The following TLR1 variants were observed in gnomAD, a reference collection of about 807,000 sequenced individuals.
TLR1 encodes toll like receptor 1, also known as toll-like receptor 1.
A neutral mutation model predicts 20.2 loss-of-function variants in TLR1; 19 were observed. The ratio of observed to expected loss-of-function variants is 0.94; its 90% CI spans 0.66 to 1.38. The LOEUF is 1.38. Ranked by LOEUF, TLR1 falls within the 40% of genes most tolerant of loss-of-function variation. The probability of loss-of-function intolerance (pLI) is 0.00; values close to 1 mark genes in which losing one functional copy is unlikely to be tolerated. For missense variants in TLR1, 921 were observed against 910.0 expected, an observed-to-expected ratio of 1.01 and a Z score of -0.16; for synonymous variants, 320 against 334.5, an observed-to-expected ratio of 0.96 and a Z score of 0.47.
At chr4:38,802,216 C>CA (rs1185286137) in intron 2 of TLR1, among the ~76,000 whole-genome samples, 2 of 151,712 alleles carry the variant, frequency 1.3e-5, no homozygotes, top group Admixed American at 6.6e-5. Flanking sequence ...CAAACAAAAA[C>CA]AAAAAAACAG....
downstream of TLR1, among the ~76,000 whole-genome samples, chr4:38,795,537 A>G (rs1174181646): frequency 6.6e-6 from 1 of 152,246 alleles, no homozygotes; most frequent in East Asian, 1.9e-4. Flanking sequence ...GCTCTTGTGC[A>G]TGTTAGTTCA....
chr4:38,798,666 A>C lies in TLR1; in HGVS notation c.166T>G (p.Tyr56Asp). The C allele has an allele frequency of 6.2e-7, 1 of 1,614,002 alleles. No homozygotes were observed. Among genetic ancestry groups the C allele is most frequent in the Non-Finnish European group, 8.5e-7 (1 of 1,179,924 alleles). Residue 56 changes from tyrosine (Y) to aspartate (D), a missense_variant, in exon 4 of 4, where the codon TAT becomes GAT. Coordinates refer to ENST00000308979, the MANE Select transcript of TLR1 (RefSeq NM_003263.4). ...TCAGAAGTCCAAAGCTCAGATATATAATTTTGCGATATATTTAAGATTGTT... is the reference window on the plus strand; with the variant it reads ...TCAGAAGTCCAAAGCTCAGATATATCATTTTGCGATATATTTAAGATTGTT... ...KTTILNISQN[Y>D]ISELWTSDIL... is the part of the protein sequence containing the mutation.
chr4:38,795,198 AG>A (rs151234182), downstream of TLR1, among the ~76,000 whole-genome samples: 4,952 of 152,294 alleles, frequency 0.033, 299 homozygotes, highest in African/African-American at 0.11. Flanking sequence ...TTGTGCTTCC[AG>A]GTTTGTGCAT....
rs774224678 is a variant in TLR1 at position 38,797,919 on chromosome 4, G to A, written c.913C>T (p.His305Tyr). ...SGTSLKALSI[H>Y]QVVSDVFGFP... ...CCGAACACATCGCTGACAACTTGGTGTATAGACAAGGCCTTCAAGGAAGTG... is the reference window on the plus strand; with the variant it reads ...CCGAACACATCGCTGACAACTTGGTATATAGACAAGGCCTTCAAGGAAGTG... Residue 305 changes from histidine to tyrosine, a missense_variant, in exon 4 of 4, where the codon CAC becomes TAC. His to Tyr is a moderately conservative substitution (Grantham distance 83, BLOSUM62 2). Transcript: ENST00000308979. 19 of 1,614,032 alleles carry A rather than the reference G, an allele frequency of 1.2e-5. No homozygotes were observed. The highest frequency in any genetic ancestry group is 4.0e-5 in the African/African-American group (3 of 74,928).
At chr4:38,799,183 A>G (rs1726460319) in intron 3 of TLR1, among the ~76,000 whole-genome samples, 1 of 152,236 alleles carries the variant, frequency 6.6e-6, no homozygotes, top group African/African-American at 2.4e-5. Flanking sequence ...GAAACCATGA[A>G]TGTTACCTTC....
At chr4:38,801,801 A>C (rs995474245) in intron 2 of TLR1, among the ~76,000 whole-genome samples, 2 of 152,136 alleles carry the variant, frequency 1.3e-5, no homozygotes, top group Non-Finnish European at 2.9e-5. Flanking sequence ...CCTGCCCCCA[A>C]GTGTTAGAGT....
downstream of TLR1, chr4:38,796,253 C>A: frequency 1.9e-6 from 1 of 537,034 alleles, no homozygotes; most frequent in Admixed American, 3.3e-5. Context: ...CAAGTGGATC[C>A]CTTATGTGTC....
At chr4:38,800,259 G>T (rs1477561632) in intron 3 of TLR1, among the ~76,000 whole-genome samples, 1 of 152,126 alleles carries the variant, frequency 6.6e-6, no homozygotes, top group African/African-American at 2.4e-5. Context: ...TAAGGAGTTA[G>T]GGAAGATGAG....
chr4:38,791,628 T>C (rs1355615067), downstream of TLR1, among the ~76,000 whole-genome samples: 1 of 152,204 alleles, frequency 6.6e-6, no homozygotes, highest in South Asian at 2.1e-4. Flanking sequence ...TTATTTCATC[T>C]TAGAAAGCCC....
At chr4:38,795,090 A>G (rs115355377), downstream of TLR1, among the ~76,000 whole-genome samples, 6,264 of 152,184 alleles carry the variant, frequency 0.041, 183 homozygotes, top group Middle Eastern at 0.16. Context: ...GCCACTAGGG[A>G]TTGTCTGAGA....
chr4:38,787,994 T>C (rs572445017), downstream of TLR1, among the ~76,000 whole-genome samples: 1 of 152,314 alleles, frequency 6.6e-6, no homozygotes, highest in Admixed American at 6.5e-5. Context: ...GGAATGGTCC[T>C]GTTGTAAGAG....
At chr4:38,800,071 G>C (rs903503928) in intron 3 of TLR1, among the ~76,000 whole-genome samples, 2 of 152,156 alleles carry the variant, frequency 1.3e-5, no homozygotes, top group Non-Finnish European at 2.9e-5. Flanking sequence ...TGATTAGTTA[G>C]AGAAGGCCTT....
rs192439045 is a variant in TLR1 at position 38,797,269 on chromosome 4, T to G, written c.1563A>C (p.Ala521=). ...QSCQKMRSIK[A]GDNPFQCTCE... is the part of the protein sequence containing the mutation. ...AGGTACATTGGAATGGATTGTCCCC[T>G]GCTTTTATTGACCTCATCTTCTGGC... The change falls in exon 4 of 4, where the codon GCA becomes GCC. Residue 521 remains alanine (A), a synonymous_variant. Coordinates refer to ENST00000308979, the MANE Select transcript of TLR1 (RefSeq NM_003263.4). 146 of 1,614,212 alleles carry G rather than the reference T, an allele frequency of 9.0e-5. 1 individual carries two copies. In the East Asian group the frequency reaches 2.7e-3, roughly 30 times the overall value.
downstream of TLR1, among the ~76,000 whole-genome samples, chr4:38,795,406 C>T (rs552643316): frequency 2.0e-5 from 3 of 152,290 alleles, no homozygotes; most frequent in East Asian, 5.8e-4. Flanking sequence ...TCAGATATAT[C>T]CATTCCTTAC....
intron 1 of TLR1, among the ~76,000 whole-genome samples, 155 bp from the exon 2 acceptor site, chr4:38,804,537 G>A (rs1305491423): frequency 6.6e-6 from 1 of 152,154 alleles, no homozygotes; most frequent in Non-Finnish European, 1.5e-5. Context: ...TCACACACGA[G>A]GTGTTATTCC....
At chr4:38,792,650 T>C (rs941627868), downstream of TLR1, among the ~76,000 whole-genome samples, 4 of 151,942 alleles carry the variant, frequency 2.6e-5, no homozygotes, top group Admixed American at 6.6e-5. Context: ...ATCCTATACA[T>C]TATATTAAAT....
At chr4:38,803,252 C>T (rs1726798533) in intron 2 of TLR1, among the ~76,000 whole-genome samples, 2 of 152,136 alleles carry the variant, frequency 1.3e-5, no homozygotes, top group African/African-American at 2.4e-5. Flanking sequence ...TCCACCCCCT[C>T]CCCTCAGACC....
At chr4:38,790,494 C>G (rs1319143826), downstream of TLR1, among the ~76,000 whole-genome samples, 1 of 151,964 alleles carries the variant, frequency 6.6e-6, no homozygotes, top group Non-Finnish European at 1.5e-5. Context: ...TTTTTTCTTT[C>G]TCTCTCTCTG....
Position 38,796,758 on chromosome 4 carries a change from T to C in TLR1, c.2074A>G (p.Lys692Glu). 1 of 1,614,232 alleles carries C rather than the reference T, an allele frequency of 6.2e-7. No individual in the cohort carries two copies. Among genetic ancestry groups the C allele is most frequent in the Non-Finnish European group, 8.5e-7 (1 of 1,180,034 alleles). Residue 692 changes from lysine to glutamate, a missense_variant, in exon 4 of 4, where the codon AAG (lysine) becomes GAG (glutamate). Coordinates refer to ENST00000308979, the MANE Select transcript of TLR1 (RefSeq NM_003263.4). ...NIITCIEKSY[K>E]SIFVLSPNFV... ...TTGGGAGACAAAACAAAGATGGACT[T>C]GTAACTCTTCTCAATGCAGGTGATG...
Sources: allele counts gnomAD v4.1 joint callset (sites outside exome capture counted in the v4.1 genomes callset), GRCh38; gene constraint gnomAD v4.1.1; transcripts MANE v1.5; gene names NCBI Gene and HGNC (gene_info 2026-07-23, HGNC 2026-07-21).